Variants in KLHL29 observed in about 807,000 individuals in gnomAD.
KLHL29 encodes the protein kelch like family member 29, also known as kelch-like protein 29.
KLHL29 carries 21 observed loss-of-function variants against 80.4 expected under a neutral mutation model. The observed-to-expected ratio is 0.26, with a 90% CI of 0.19 to 0.38. The LOEUF (loss-of-function observed/expected upper bound fraction) is 0.38. Among genes scored for constraint, KLHL29 ranks in the 10% least tolerant of loss-of-function variants. The pLI is 1.00. For synonymous variants in KLHL29, 511 were observed against 526.8 expected (o/e 0.97, Z 0.41); for missense variants, 867 against 1,223.9 (o/e 0.71, Z 4.35).
At chr2:23,453,897 TGG>T (rs1339838517) in intron 1 of KLHL29, among the ~76,000 whole-genome samples, 1 of 152,106 alleles carries the variant, frequency 6.6e-6, no homozygotes, top group Non-Finnish European at 1.5e-5. Context: ...CCTTTAAAAA[TGG>T]GGAGGAGGTT....
At chr2:23,519,271 C>T (rs1000417082) in intron 2 of KLHL29, among the ~76,000 whole-genome samples, 7 of 152,188 alleles carry the variant, frequency 4.6e-5, no homozygotes, top group African/African-American at 1.7e-4. Flanking sequence ...CAGCCAGATC[C>T]AGCTCCTATG....
At chr2:23,621,893 C>G (rs549248764) in intron 3 of KLHL29, among the ~76,000 whole-genome samples, 2 of 152,288 alleles carry the variant, frequency 1.3e-5, no homozygotes, top group South Asian at 4.2e-4. Flanking sequence ...CCACATATCC[C>G]TGGGAGCGTG....
In KLHL29 at chr2:23,669,450, CCA is replaced by C. The variant is rs1243955800; in HGVS notation, c.941-14944_941-14943del. ...CTCCCACGCAGCCTCCGTTTCCCTT[CCA>C]CACAGTCCTGCCCCACAGAGTAGAT... On this transcript the variant is annotated intron_variant, in intron 5 of 13. Coordinates refer to ENST00000486442, the MANE Select transcript of KLHL29 (RefSeq NM_052920.2). The surrounding 1 kb of genome is among the most constrained non-coding windows in gnomAD (Gnocchi z 4.3). 2.0e-5 allele frequency: 3 copies of C among 152,434 alleles called. No homozygotes were observed. The highest frequency in any genetic ancestry group is 4.4e-5 in the Non-Finnish European group (3 of 68,112). The allele number at this position is 152,434 out of a possible 1,614,324, so 9.4% of individuals were successfully genotyped here.
In KLHL29 at chr2:23,423,410, G is replaced by A. The variant is rs568423438; in HGVS notation, c.-154+37630G>A. 2.2e-4 allele frequency among the ~76,000 whole-genome samples: 34 copies of A among 152,322 alleles called. No homozygotes were observed. In the South Asian group the frequency reaches 5.6e-3, roughly 25 times the overall value. On this transcript the variant is annotated intron_variant, in intron 1 of 13. Transcript: ENST00000486442. Reference sequence around the variant, plus strand: ...CGCCCTGCCCTGAGAGCTGCCCTGCGCGGGCTGTCCCCTGCTTTGTCTGCA... The same window carrying A: ...CGCCCTGCCCTGAGAGCTGCCCTGCACGGGCTGTCCCCTGCTTTGTCTGCA...
chr2:23,470,185 G>A (rs1572340859), intron 1 of KLHL29, among the ~76,000 whole-genome samples: 1 of 152,114 alleles, frequency 6.6e-6, no homozygotes, highest in East Asian at 1.9e-4. Flanking sequence ...ACCATCCAAG[G>A]CAACTAGGAG....
chr2:23,660,105 C>A (rs1439262921), intron 5 of KLHL29, among the ~76,000 whole-genome samples: 1 of 152,118 alleles, frequency 6.6e-6, no homozygotes, highest in African/African-American at 2.4e-5. Flanking sequence ...GTGGAAGCCA[C>A]CAGGCCCAAG....
Position 23,692,088 on chromosome 2 carries a change from G to A in KLHL29, c.1282+212G>A, listed in dbSNP as rs116603340. Reference sequence around the variant, plus strand: ...CCTGGCATGGAATGAAGAGGACTCCGTGTCATTTCTCTGTAGGTGGGAGAG... The same window carrying A: ...CCTGGCATGGAATGAAGAGGACTCCATGTCATTTCTCTGTAGGTGGGAGAG... On this transcript the variant is annotated intron_variant, in intron 7 of 13. Transcript: ENST00000486442. 4.7e-3 allele frequency among the ~76,000 whole-genome samples: 712 copies of A among 152,344 alleles called. 7 individuals carry two copies. Among genetic ancestry groups the A allele is most frequent in the Non-Finnish European group, 3.5e-3 (236 of 68,026 alleles).
At chr2:23,411,346 C>T (rs1432758225) in intron 1 of KLHL29, among the ~76,000 whole-genome samples, 1 of 143,456 alleles carries the variant, frequency 7.0e-6, no homozygotes, top group Non-Finnish European at 1.5e-5. Flanking sequence ...AGTTCCCATG[C>T]CTGGAGTATA....
Position 23,696,926 on chromosome 2 carries a change from A to C in KLHL29, c.2105+413A>C. On this transcript the variant is annotated intron_variant, in intron 11 of 13. Transcript: ENST00000486442. This position sits in a 1 kb window ranked among gnomAD's most constrained non-coding sequence, Gnocchi z 5.5. ...GGGCAAAGCTGGAAGCAATGTTTAA[A>C]ATGCAGGTCATGCCAGTGGCGGTGC... 5.8e-6 allele frequency: 1 copy of C among 171,242 alleles called. No homozygotes were observed. The highest frequency in any genetic ancestry group is 1.4e-4 in the South Asian group (1 of 7,052). The allele number at this position is 171,242 out of a possible 1,614,324, so 10.6% of individuals were successfully genotyped here.
Position 23,596,346 on chromosome 2 carries a change from C to G in KLHL29, c.285+33865C>G, listed in dbSNP as rs769048102. Reference sequence around the variant, plus strand: ...TCTTGAGTTCTCCTCCAGGCTTCAGCTACCAACACGCCCCTATGAGTCTCT... The same window carrying G: ...TCTTGAGTTCTCCTCCAGGCTTCAGGTACCAACACGCCCCTATGAGTCTCT... On this transcript the variant is annotated intron_variant, in intron 3 of 13. Coordinates refer to ENST00000486442, the MANE Select transcript of KLHL29 (RefSeq NM_052920.2). The surrounding 1 kb of genome is among the most constrained non-coding windows in gnomAD (Gnocchi z 4.4). Among the ~76,000 whole-genome samples, 1 of 152,170 alleles carries G rather than the reference C, an allele frequency of 6.6e-6. No individual in the cohort carries two copies. The highest frequency in any genetic ancestry group is 2.4e-5 in the African/African-American group (1 of 41,442).
intron 2 of KLHL29, among the ~76,000 whole-genome samples, chr2:23,500,941 A>G (rs906930813): frequency 2.0e-5 from 3 of 152,196 alleles, no homozygotes; most frequent in Admixed American, 6.5e-5. Context: ...AATGAGAACA[A>G]AAGTGGAAAT....
At chr2:23,597,405 ATATTTT>A (rs1486479539) in intron 3 of KLHL29, among the ~76,000 whole-genome samples, 41 of 28,668 alleles carry the variant, frequency 1.4e-3, no homozygotes, top group Non-Finnish European at 1.6e-3. Flanking sequence ...ATATATATAT[ATATTTT>A]TTTTTTTTTT....
intron 1 of KLHL29, among the ~76,000 whole-genome samples, chr2:23,386,294 T>C (rs1666181043): frequency 6.6e-6 from 1 of 152,164 alleles, no homozygotes; most frequent in Admixed American, 6.5e-5. Context: ...TGGGGTTTTC[T>C]GCCCCTCGCG....
chr2:23,594,000 T>G (rs1269621626), intron 3 of KLHL29, among the ~76,000 whole-genome samples: 1 of 152,030 alleles, frequency 6.6e-6, no homozygotes, highest in Non-Finnish European at 1.5e-5. Flanking sequence ...TGTGCCTCAG[T>G]TTCCCTGCCT....
At chr2:23,691,191 G>A (rs969728281) in intron 6 of KLHL29, 3 of 161,576 alleles carry the variant, frequency 1.9e-5, no homozygotes, top group Non-Finnish European at 4.1e-5. Flanking sequence ...TGGGGCCCTC[G>A]GTCCTGGGGC....
chr2:23,423,052 C>T (rs1322137398), intron 1 of KLHL29, among the ~76,000 whole-genome samples: 1 of 152,256 alleles, frequency 6.6e-6, no homozygotes, highest in Non-Finnish European at 1.5e-5. Context: ...CCCTTCGGGG[C>T]CTCAGGGCCT....
intron 2 of KLHL29, among the ~76,000 whole-genome samples, chr2:23,549,494 C>T (rs1200974125): frequency 1.3e-5 from 2 of 151,644 alleles, no homozygotes; most frequent in East Asian, 1.9e-4. Flanking sequence ...ATTAAAAACA[C>T]GGACATAGAA....
At chr2:23,546,591 A>T (rs1311469186) in intron 2 of KLHL29, among the ~76,000 whole-genome samples, 1 of 152,160 alleles carries the variant, frequency 6.6e-6, no homozygotes, top group Non-Finnish European at 1.5e-5. Flanking sequence ...TGGGCTGACT[A>T]TAGGGAGCAG....
chr2:23,439,167 C>T (rs1033964658), intron 1 of KLHL29, among the ~76,000 whole-genome samples: 33 of 150,830 alleles, frequency 2.2e-4, no homozygotes, highest in African/African-American at 8.1e-4. Context: ...TCCCCTTTAT[C>T]ATTTTTTATC....
Sources: gnomAD v4.1 joint callset for allele counts (sites outside exome capture counted in the v4.1 genomes callset) on GRCh38, gnomAD v4.1.1 for gene constraint, Gnocchi (gnomAD v3.1) non-coding constraint, MANE v1.5 for transcripts, NCBI Gene and HGNC (gene_info 2026-07-23, HGNC 2026-07-21) for gene names.